MYO16: variants seen among roughly 807,000 people sequenced by gnomAD.
MYO16 encodes unconventional myosin-XVI.
Under a neutral mutation model 205.3 loss-of-function variants are expected in MYO16, and 94 were observed. That is an observed-to-expected ratio of 0.46 (90% CI 0.39 to 0.54). The LOEUF (loss-of-function observed/expected upper bound fraction) is 0.54. Ranked by LOEUF, MYO16 falls within the 20% of genes least tolerant of loss-of-function variation. The pLI, the probability that MYO16 is intolerant of heterozygous loss-of-function variation, is 0.00. For synonymous variants in MYO16, 988 were observed against 954.0 expected (o/e 1.04, Z -0.66); for missense variants, 2,315 against 2,387.5 (o/e 0.97, Z 0.63).
chr13:108,757,478 TG>T (rs34461217), intron 4 of MYO16, among the ~76,000 whole-genome samples: 5,274 of 152,172 alleles, frequency 0.035, 313 homozygotes, highest in African/African-American at 0.12. Flanking sequence ...GCTAGTTTTT[TG>T]GGGTTTTTTT....
chr13:109,090,794 G>A (rs936565116), intron 27 of MYO16, among the ~76,000 whole-genome samples: 2 of 152,120 alleles, frequency 1.3e-5, no homozygotes, highest in Non-Finnish European at 2.9e-5. Context: ...TTCCTTAAAA[G>A]AAAAAATAAC....
chr13:108,583,139 T>A, the MYO16 span, among the ~76,000 whole-genome samples: 1 of 152,220 alleles, frequency 6.6e-6, no homozygotes, highest in African/African-American at 2.4e-5. Flanking sequence ...TATAAAATCA[T>A]AGGAGCAAGA....
chr13:109,126,609 C>T (rs1876263973), intron 30 of MYO16, among the ~76,000 whole-genome samples: 1 of 152,092 alleles, frequency 6.6e-6, no homozygotes, highest in South Asian at 2.1e-4. Flanking sequence ...ATGTATTTTC[C>T]TGATACAAAA....
chr13:108,496,226 T>C, the MYO16 span, among the ~76,000 whole-genome samples: 3 of 152,268 alleles, frequency 2.0e-5, no homozygotes, highest in Non-Finnish European at 4.4e-5. Context: ...GTAGAAGCCT[T>C]CTGAACTCTG....
At chr13:109,034,173 C>A (rs1384408667) in intron 23 of MYO16, among the ~76,000 whole-genome samples, 1 of 152,210 alleles carries the variant, frequency 6.6e-6, no homozygotes, top group African/African-American at 2.4e-5. Flanking sequence ...TAAGTTAAGG[C>A]TGGCTACCCT....
At chr13:108,897,019 T>G (rs1880450201) in intron 14 of MYO16, among the ~76,000 whole-genome samples, 2 of 151,508 alleles carry the variant, frequency 1.3e-5, no homozygotes, top group Middle Eastern at 6.9e-3. Context: ...AAAAGTAAAT[T>G]TTTTAAAAAA....
At chr13:109,036,110 A>G (rs915048485) in intron 23 of MYO16, among the ~76,000 whole-genome samples, 2 of 152,194 alleles carry the variant, frequency 1.3e-5, no homozygotes, top group Non-Finnish European at 2.9e-5. Context: ...CTGCAGACAT[A>G]AAGAACTCAC....
At position 109,125,480 on chromosome 13, in the gene MYO16, T is replaced by C; in HGVS notation, c.3782+122T>C. ...ATGACAGGAGTTGCAGGAACAGGCATGCGTGGTTTGTTATTCGAAATGGCA... is the reference window on the plus strand; with the variant it reads ...ATGACAGGAGTTGCAGGAACAGGCACGCGTGGTTTGTTATTCGAAATGGCA... On this transcript the variant is annotated intron_variant, in intron 30 of 34. Transcript: ENST00000457511. This position sits in a 1 kb window ranked among gnomAD's most constrained non-coding sequence, Gnocchi z 4.0. 7.5e-7 allele frequency: 1 copy of C among 1,332,100 alleles called. No homozygotes were observed. Among genetic ancestry groups the C allele is most frequent in the Non-Finnish European group, 1.0e-6 (1 of 975,120 alleles). 82.5% of individuals were successfully genotyped at this position (1,332,100 alleles called of 1,614,324 possible).
intron 4 of MYO16, among the ~76,000 whole-genome samples, chr13:108,775,148 G>A (rs184104094): frequency 2.4e-4 from 37 of 152,268 alleles, no homozygotes; most frequent in Middle Eastern, 6.8e-3. Flanking sequence ...ATTAACATCA[G>A]CGTGAATGTT....
At chr13:109,052,534 CT>C (rs56307546) in intron 25 of MYO16, 59 bp downstream of exon 25, 54,546 of 1,271,820 alleles carry the variant, frequency 0.043, 1,337 homozygotes, top group South Asian at 0.052. Context: ...ATATTTGCTT[CT>C]TTTTTTTTAA....
At chr13:109,031,905 G>A (rs1204740759) in intron 23 of MYO16, among the ~76,000 whole-genome samples, 2 of 152,150 alleles carry the variant, frequency 1.3e-5, no homozygotes, top group African/African-American at 4.8e-5. Flanking sequence ...TTAATGGAAA[G>A]TGAAGTCTCC....
At chr13:109,159,966 G>C (rs1878294503) in intron 32 of MYO16, among the ~76,000 whole-genome samples, 1 of 152,206 alleles carries the variant, frequency 6.6e-6, no homozygotes. Flanking sequence ...GCTGGAGTCG[G>C]GAATGACATG....
chr13:108,550,657 T>C, the MYO16 span, among the ~76,000 whole-genome samples: 13 of 152,300 alleles, frequency 8.5e-5, no homozygotes, highest in South Asian at 1.9e-3. Flanking sequence ...AGAAATAAAC[T>C]AAATTGAAAA....
intron 1 of MYO16, among the ~76,000 whole-genome samples, chr13:108,619,541 C>G (rs533379158): frequency 7.1e-4 from 108 of 152,182 alleles, no homozygotes; most frequent in African/African-American, 2.6e-3. Flanking sequence ...AATGTAGCAG[C>G]ATCATGTCAG....
At chr13:109,020,715 GCT>G (rs1885992565) in intron 23 of MYO16, among the ~76,000 whole-genome samples, 1 of 152,224 alleles carries the variant, frequency 6.6e-6, no homozygotes, top group African/African-American at 2.4e-5. Context: ...TGCATGTACA[GCT>G]CTCTGTCTCC....
chr13:109,130,263 G>A (rs1473327745), intron 31 of MYO16, among the ~76,000 whole-genome samples: 1 of 152,194 alleles, frequency 6.6e-6, no homozygotes, highest in Non-Finnish European at 1.5e-5. Context: ...GGTACTTAGA[G>A]ATGCGTTTGG....
At position 109,141,273 on chromosome 13, in the gene MYO16, C is replaced by T. The variant is rs1877080279; in HGVS notation, c.5061C>T (p.Ser1687=). The change falls in exon 32 of 35, where the codon TCC becomes TCT. Residue 1687 remains serine, a synonymous_variant. Transcript: ENST00000457511. The surrounding 1 kb of genome is among the most constrained non-coding windows in gnomAD (Gnocchi z 4.1). The stretch of plus-strand genomic sequence containing the variant: ...CCGCGCCCTACAGCCCTCCCAGCTC[C>T]AGGCCTCTCAGCAGCCCCCTGGACG... ...SPPAPYSPPS[S]RPLSSPLDEL... 2.5e-6 allele frequency: 4 copies of T among 1,602,244 alleles called. No individual in the cohort carries two copies. In the African/African-American group the frequency reaches 5.4e-5, roughly 22 times the overall value.
chr13:108,646,155 A>G (rs566312554), intron 1 of MYO16, among the ~76,000 whole-genome samples: 121 of 152,314 alleles, frequency 7.9e-4, no homozygotes, highest in Non-Finnish European at 1.5e-3. Flanking sequence ...GAAAGTAAGA[A>G]AAAGGAGGGC....
intron 12 of MYO16, among the ~76,000 whole-genome samples, chr13:108,879,637 T>A (rs1216898194): frequency 6.6e-6 from 1 of 152,174 alleles, no homozygotes; most frequent in Non-Finnish European, 1.5e-5. Context: ...TTGCAATAGT[T>A]TGCTCAGAAT....
Sources: gnomAD v4.1 joint callset for allele counts (sites outside exome capture counted in the v4.1 genomes callset) on GRCh38, gnomAD v4.1.1 for gene constraint, Gnocchi (gnomAD v3.1) non-coding constraint, MANE v1.5 for transcripts, NCBI Gene and HGNC (gene_info 2026-07-23, HGNC 2026-07-21) for gene names.